Variants in SGK1 observed in about 807,000 individuals in gnomAD.
SGK1 encodes serum/glucocorticoid regulated kinase 1, also known as serine/threonine-protein kinase Sgk1.
SGK1 carries 26 observed loss-of-function variants against 64.2 expected under a neutral mutation model. The ratio of observed to expected loss-of-function variants is 0.40; its 90% CI spans 0.30 to 0.56. The LOEUF is 0.56. Ranked by LOEUF, SGK1 falls within the 20% of genes least tolerant of loss-of-function variation. The pLI is 0.38. For synonymous variants in SGK1, 265 were observed against 239.7 expected (o/e 1.11, Z -0.98); for missense variants, 519 against 645.6 (o/e 0.80, Z 2.12).
Position 134,295,658 on chromosome 6 carries a change from G to A in SGK1, c.69+21734C>T, listed in dbSNP as rs189399667. ...CCGGAGGTTGCAGTGAGCTGAGATC[G>A]TGCCACTGCACTCTAGCCTAGACAA... On this transcript the variant is annotated intron_variant, in intron 1 of 13. Transcript: ENST00000367858. Among the ~76,000 whole-genome samples the A allele has an allele frequency of 9.4e-3, 1,429 of 151,370 alleles. 11 individuals carry two copies. The highest frequency in any genetic ancestry group is 0.014 in the Non-Finnish European group (973 of 67,930).
intron 1 of SGK1, among the ~76,000 whole-genome samples, chr6:134,301,228 C>T (rs1349400791): frequency 6.6e-6 from 1 of 152,072 alleles, no homozygotes; most frequent in East Asian, 1.9e-4. Flanking sequence ...ATTTAAAGCA[C>T]AGGAATGAAT....
intron 1 of SGK1, among the ~76,000 whole-genome samples, chr6:134,276,316 C>T (rs1194063175): frequency 6.6e-6 from 1 of 152,134 alleles, no homozygotes; most frequent in Non-Finnish European, 1.5e-5. Flanking sequence ...AATTGGAAGA[C>T]AGTGTTAAAG....
At chr6:134,210,811 CAAAAAAAAA>C (rs60820086) in intron 2 of SGK1, among the ~76,000 whole-genome samples, 213 of 50,818 alleles carry the variant, frequency 4.2e-3, no homozygotes, top group African/African-American at 0.013. Context: ...GACTCCGTCT[CAAAAAAAAA>C]AAAAAAAAAA....
In SGK1 at chr6:134,173,113, A is replaced by G; in HGVS notation, c.744T>C (p.Asn248=). Residue 248 remains asparagine, a synonymous_variant, in exon 8 of 14, where the codon AAT becomes AAC. Transcript: ENST00000367858. ...IMSERNVLLK[N]VKHPFLVGLH... is the part of the protein sequence containing the mutation. ...GGCCCACCAGGAAAGGGTGCTTCACATTCTTCAACAGAACATTCCGCTCCG... is the reference window on the plus strand; with the variant it reads ...GGCCCACCAGGAAAGGGTGCTTCACGTTCTTCAACAGAACATTCCGCTCCG... 1.9e-6 allele frequency: 3 copies of G among 1,614,136 alleles called. No individual in the cohort carries two copies. Among genetic ancestry groups the G allele is most frequent in the Non-Finnish European group, 2.5e-6 (3 of 1,179,964 alleles).
intron 3 of SGK1, among the ~76,000 whole-genome samples, chr6:134,191,948 C>G (rs1183306999): frequency 6.8e-6 from 1 of 148,072 alleles, no homozygotes; most frequent in Non-Finnish European, 1.5e-5. Flanking sequence ...GATGCTCCTG[C>G]CTCAGCCTCC....
At position 134,173,367 on chromosome 6, in the gene SGK1, C is replaced by G. The variant is rs1162852209; in HGVS notation, c.619-10G>C. On this transcript the variant is annotated splice_polypyrimidine_tract_variant and intron_variant, in intron 6 of 13. Coordinates refer to ENST00000367858, the MANE Select transcript of SGK1 (RefSeq NM_001143676.3). ...GTCTTGCTAGAAGAACCTGAAATTT[C>G]AATTTAAAAAAATCATTTTTCTATC... 3 of 1,609,278 alleles carry G rather than the reference C, an allele frequency of 1.9e-6. No individual in the cohort carries two copies. In the South Asian group the frequency reaches 3.3e-5, roughly 18 times the overall value.
At chr6:134,269,075 C>T (rs1776902030) in intron 1 of SGK1, among the ~76,000 whole-genome samples, 1 of 146,852 alleles carries the variant, frequency 6.8e-6, no homozygotes, top group African/African-American at 2.4e-5. Context: ...TAAGAGCAAA[C>T]AGATATTACT....
At chr6:134,229,024 T>C (rs537554046) in intron 2 of SGK1, among the ~76,000 whole-genome samples, 41 of 152,332 alleles carry the variant, frequency 2.7e-4, no homozygotes, top group Non-Finnish European at 5.3e-4. Context: ...TTTGTATTTT[T>C]AGTAGAGACG....
chr6:134,233,741 T>G (rs1426321946), intron 2 of SGK1, among the ~76,000 whole-genome samples: 1 of 150,724 alleles, frequency 6.6e-6, no homozygotes, highest in African/African-American at 2.4e-5. Context: ...TCCTAAAGAC[T>G]CTAAATTTAT....
At chr6:134,242,120 G>A (rs1259560606) in intron 2 of SGK1, among the ~76,000 whole-genome samples, 1 of 152,220 alleles carries the variant, frequency 6.6e-6, no homozygotes, top group Non-Finnish European at 1.5e-5. Flanking sequence ...GATTGAGCAA[G>A]TGGAAGCAAT....
intron 1 of SGK1, among the ~76,000 whole-genome samples, chr6:134,295,547 T>C (rs1003982082): frequency 3.3e-5 from 5 of 151,914 alleles, no homozygotes; most frequent in African/African-American, 1.2e-4. Context: ...CTACTAAAAA[T>C]ACAAAAATTA....
At chr6:134,259,633 C>A (rs1776733513) in intron 2 of SGK1, among the ~76,000 whole-genome samples, 1 of 152,022 alleles carries the variant, frequency 6.6e-6, no homozygotes, top group South Asian at 2.1e-4. Flanking sequence ...GAGCTGTGTC[C>A]ATTCATTTAC....
chr6:134,212,068 G>GC (rs1426634760), intron 2 of SGK1, among the ~76,000 whole-genome samples: 4 of 22,138 alleles, frequency 1.8e-4, no homozygotes, highest in Non-Finnish European at 9.3e-4. Context: ...TGTTTTTTTT[G>GC]GGGGGGACGG....
At chr6:134,276,628 G>A (rs1777021019) in intron 1 of SGK1, among the ~76,000 whole-genome samples, 1 of 152,098 alleles carries the variant, frequency 6.6e-6, no homozygotes, top group African/African-American at 2.4e-5. Context: ...TGGGCCCAGG[G>A]GAAAAGCATC....
chr6:134,303,176 G>A (rs1184532724), intron 1 of SGK1, among the ~76,000 whole-genome samples: 1 of 151,888 alleles, frequency 6.6e-6, no homozygotes, highest in South Asian at 2.1e-4. Context: ...GGCGGATCAC[G>A]AGGTCAGGAG....
At chr6:134,214,373 C>T (rs1291561274) in intron 2 of SGK1, among the ~76,000 whole-genome samples, 1 of 152,128 alleles carries the variant, frequency 6.6e-6, no homozygotes, top group East Asian at 1.9e-4. Flanking sequence ...GGCGGATCAA[C>T]TGAGGTCAGG....
At chr6:134,218,419 TC>T (rs1404318499) in intron 2 of SGK1, among the ~76,000 whole-genome samples, 1 of 124,760 alleles carries the variant, frequency 8.0e-6, no homozygotes, top group Non-Finnish European at 1.7e-5. Flanking sequence ...GAACTTGTTT[TC>T]TTTTCTTTCT....
At chr6:134,294,488 C>A (rs1396404782) in intron 1 of SGK1, among the ~76,000 whole-genome samples, 1 of 152,160 alleles carries the variant, frequency 6.6e-6, no homozygotes. Context: ...TTGAATTATA[C>A]AGCATTTGTC....
At chr6:134,274,476 A>G (rs187592870) in intron 1 of SGK1, among the ~76,000 whole-genome samples, 101 of 152,262 alleles carry the variant, frequency 6.6e-4, no homozygotes, top group Non-Finnish European at 1.3e-3. Context: ...AGCTCTCAAG[A>G]CTATATCCTC....
Sources: allele counts gnomAD v4.1 joint callset (sites outside exome capture counted in the v4.1 genomes callset), GRCh38; gene constraint gnomAD v4.1.1; transcripts MANE v1.5; gene names NCBI Gene and HGNC (gene_info 2026-07-23, HGNC 2026-07-21).